Variants in ADGRB3 observed in about 807,000 individuals in gnomAD.
ADGRB3 encodes adhesion G protein-coupled receptor B3.
A neutral mutation model predicts 193.4 loss-of-function variants in ADGRB3; 37 were observed. The ratio of observed to expected loss-of-function variants is 0.19; its 90% CI spans 0.15 to 0.25. The LOEUF is 0.25. ADGRB3 is among the 10% of genes least tolerant of loss of function. ADGRB3 has a pLI of 1.00. For missense variants in ADGRB3, 1,637 were observed against 1,852.9 expected (o/e 0.88, Z 2.14); for synonymous variants, 690 against 644.2 (o/e 1.07, Z -1.08).
chr6:68,690,753 A>G (rs1293747578), intron 3 of ADGRB3, among the ~76,000 whole-genome samples: 1 of 152,146 alleles, frequency 6.6e-6, no homozygotes, highest in African/African-American at 2.4e-5. Context: ...GTACAATTAT[A>G]TGGGTTAAAC....
intron 28 of ADGRB3, among the ~76,000 whole-genome samples, chr6:69,358,288 G>A (rs979475744): frequency 3.3e-5 from 5 of 151,626 alleles, no homozygotes; most frequent in African/African-American, 1.2e-4. Flanking sequence ...TGGAGGTTGG[G>A]GTATAGGAAC....
chr6:69,050,385 C>T (rs958300588), intron 15 of ADGRB3, among the ~76,000 whole-genome samples: 4 of 152,248 alleles, frequency 2.6e-5, no homozygotes, highest in African/African-American at 9.6e-5. Flanking sequence ...CCATGGGAAG[C>T]TGAAATTTAT....
intron 3 of ADGRB3, among the ~76,000 whole-genome samples, chr6:68,807,468 C>T (rs1767427846): frequency 1.3e-5 from 2 of 151,858 alleles, no homozygotes; most frequent in Admixed American, 1.3e-4. Flanking sequence ...TCTCGATCTC[C>T]TGACCTCGTG....
At position 69,360,824 on chromosome 6, in the gene ADGRB3, A is replaced by G. The variant is rs771864533; in HGVS notation, c.3596-45A>G. The G allele has an allele frequency of 1.0e-5, 15 of 1,496,036 alleles. No individual in the cohort carries two copies. In the South Asian group the frequency reaches 1.6e-4, roughly 16 times the overall value. 92.7% of individuals were successfully genotyped at this position (1,496,036 alleles called of 1,614,324 possible). A position where few individuals can be genotyped will look rare whatever the true frequency, so the allele number is the denominator to read the frequency against. On this transcript the variant is annotated intron_variant, in intron 28 of 31. Coordinates refer to ENST00000370598, the MANE Select transcript of ADGRB3 (RefSeq NM_001704.3). ...AACATAATATAATAATGAAAAATAA[A>G]CACACATTAACTCTCTTTCTTCAAC...
intron 17 of ADGRB3, among the ~76,000 whole-genome samples, chr6:69,151,399 T>C (rs1021051865): frequency 1.3e-5 from 2 of 152,162 alleles, no homozygotes; most frequent in African/African-American, 4.8e-5. Context: ...CATTGCAAAG[T>C]CCCACAATCA....
At chr6:68,970,877 G>T (rs539080410) in intron 8 of ADGRB3, among the ~76,000 whole-genome samples, 1 of 152,328 alleles carries the variant, frequency 6.6e-6, no homozygotes, top group South Asian at 2.1e-4. Context: ...AGATAAGGAT[G>T]ACTAGAAGAT....
intron 6 of ADGRB3, among the ~76,000 whole-genome samples, chr6:68,945,077 G>A (rs1380332981): frequency 6.6e-6 from 1 of 152,116 alleles, no homozygotes; most frequent in East Asian, 1.9e-4. Context: ...CCTTCTGGAA[G>A]TTTTAAATAT....
At chr6:68,661,545 A>G (rs3964250) in intron 3 of ADGRB3, among the ~76,000 whole-genome samples, 3 of 22,354 alleles carry the variant, frequency 1.3e-4, no homozygotes, top group African/African-American at 2.2e-4. Context: ...ATACATATAT[A>G]TATATATATA....
chr6:68,671,795 G>T (rs1768968141), intron 3 of ADGRB3, among the ~76,000 whole-genome samples: 1 of 152,012 alleles, frequency 6.6e-6, no homozygotes, highest in African/African-American at 2.4e-5. Context: ...AAGTTTGAAA[G>T]TATTTCCTCC....
chr6:69,268,071 AC>A (rs1767086172), intron 20 of ADGRB3, among the ~76,000 whole-genome samples: 1 of 152,142 alleles, frequency 6.6e-6, no homozygotes, highest in African/African-American at 2.4e-5. Context: ...GATTGAAGAA[AC>A]CTAGAAAAAT....
Position 68,635,380 on chromosome 6 carries a change from C to G in ADGRB3, c.-808C>G, listed in dbSNP as rs563788441. 6.6e-6 allele frequency: 1 copy of G among 152,324 alleles called. No homozygotes were observed. The highest frequency in any genetic ancestry group is 2.4e-5 in the African/African-American group (1 of 41,424). The allele number at this position is 152,324 out of a possible 1,614,324, so 9.4% of individuals were successfully genotyped here. On this transcript the variant is annotated 5_prime_UTR_variant, in exon 1 of 32. Coordinates refer to ENST00000370598, the MANE Select transcript of ADGRB3 (RefSeq NM_001704.3). The stretch of plus-strand genomic sequence containing the variant: ...GCATTCAAACAGCTTTCCGACATCA[C>G]CAGCCAAGGATTTTTTTCCCCGCTC...
chr6:69,285,187 T>A (rs751472875), intron 20 of ADGRB3, among the ~76,000 whole-genome samples: 1 of 152,200 alleles, frequency 6.6e-6, no homozygotes, highest in Admixed American at 6.5e-5. Flanking sequence ...AGAGAAATTC[T>A]GCAAAAGGAA....
At position 69,095,526 on chromosome 6, in the gene ADGRB3, G is replaced by C. The variant is rs943563973; in HGVS notation, c.2480+19488G>C. Among the ~76,000 whole-genome samples the C allele has an allele frequency of 1.8e-4, 27 of 152,152 alleles. 1 individual carries two copies. The highest frequency in any genetic ancestry group is 1.3e-4 in the Admixed American group (2 of 15,268). On this transcript the variant is annotated intron_variant, in intron 17 of 31. Coordinates refer to ENST00000370598, the MANE Select transcript of ADGRB3 (RefSeq NM_001704.3). ...AAAATGAAGCTGGTAAGGCAGGGAA[G>C]ACTGGTTAGCAAATGATATTAAAGT...
chr6:69,371,197 C>T (rs1220509637), intron 29 of ADGRB3, among the ~76,000 whole-genome samples: 1 of 152,102 alleles, frequency 6.6e-6, no homozygotes, highest in African/African-American at 2.4e-5. Flanking sequence ...TTTCTTTCGG[C>T]ATGTCCCCTT....
intron 3 of ADGRB3, among the ~76,000 whole-genome samples, chr6:68,845,741 A>C (rs1166878731): frequency 1.3e-5 from 2 of 152,094 alleles, no homozygotes; most frequent in Non-Finnish European, 2.9e-5. Context: ...AGCCATGTGA[A>C]ACTGTAAGTC....
intron 26 of ADGRB3, among the ~76,000 whole-genome samples, chr6:69,341,121 G>T (rs1173295359): frequency 6.6e-6 from 1 of 152,124 alleles, no homozygotes; most frequent in Non-Finnish European, 1.5e-5. Flanking sequence ...AATCCTTTGG[G>T]TATATACCCA....
chr6:68,868,722 T>C (rs973384155), intron 3 of ADGRB3, among the ~76,000 whole-genome samples: 9 of 152,228 alleles, frequency 5.9e-5, no homozygotes, highest in Non-Finnish European at 1.3e-4. Context: ...TAACTATTAT[T>C]ATCTTTCTCT....
chr6:69,346,474 A>C (rs148533029), intron 26 of ADGRB3, among the ~76,000 whole-genome samples: 2 of 152,234 alleles, frequency 1.3e-5, no homozygotes, highest in Non-Finnish European at 2.9e-5. Flanking sequence ...GAGGGCTAAT[A>C]TCCAGAATCT....
chr6:69,299,712 A>G (rs1450859018), intron 20 of ADGRB3, among the ~76,000 whole-genome samples: 1 of 151,792 alleles, frequency 6.6e-6, no homozygotes, highest in Non-Finnish European at 1.5e-5. Context: ...ATTTATATCT[A>G]GCTTCTCTAT....
Sources: allele counts gnomAD v4.1 joint callset (sites outside exome capture counted in the v4.1 genomes callset), GRCh38; gene constraint gnomAD v4.1.1; transcripts MANE v1.5; gene names NCBI Gene and HGNC (gene_info 2026-07-23, HGNC 2026-07-21).